The following PRKN variants were observed in gnomAD, a reference collection of about 807,000 sequenced individuals.
The protein encoded by PRKN is E3 ubiquitin-protein ligase parkin.
Under a neutral mutation model 59.5 loss-of-function variants are expected in PRKN, and 56 were observed. The observed-to-expected ratio is 0.94, with a 90% confidence interval of 0.76 to 1.18. PRKN has a LOEUF of 1.18. Among genes scored for constraint, PRKN ranks in the 50% most tolerant of loss-of-function variants. PRKN has a pLI of 0.00. For missense variants in PRKN, 657 were observed against 596.4 expected, an observed-to-expected ratio of 1.10 and a Z score of -1.06; for synonymous variants, 250 against 222.1, an observed-to-expected ratio of 1.13 and a Z score of -1.12.
intron 2 of PRKN, among the ~76,000 whole-genome samples, chr6:162,280,169 A>C (rs1304908126): frequency 6.6e-6 from 1 of 152,046 alleles, no homozygotes; most frequent in Non-Finnish European, 1.5e-5. Context: ...AGCCATTTAC[A>C]ATTAAGGTTA....
intron 5 of PRKN, among the ~76,000 whole-genome samples, chr6:162,002,664 C>G (rs1020138075): frequency 7.3e-5 from 11 of 151,624 alleles, no homozygotes; most frequent in Non-Finnish European, 1.3e-4. Flanking sequence ...TTTAATACTT[C>G]TCTTCCACCT....
chr6:162,342,599 T>C (rs1444782269), intron 2 of PRKN, among the ~76,000 whole-genome samples: 1 of 152,112 alleles, frequency 6.6e-6, no homozygotes, highest in Non-Finnish European at 1.5e-5. Context: ...ACACGACAAA[T>C]AATTAAGTGT....
At chr6:161,930,093 C>A (rs181641510) in intron 6 of PRKN, among the ~76,000 whole-genome samples, 1 of 152,270 alleles carries the variant, frequency 6.6e-6, no homozygotes, top group Non-Finnish European at 1.5e-5. Context: ...ATGAGCCATA[C>A]TGGGGTTCAG....
chr6:162,584,037 C>A (rs1376165703), intron 1 of PRKN, among the ~76,000 whole-genome samples: 2 of 151,892 alleles, frequency 1.3e-5, no homozygotes, highest in Non-Finnish European at 2.9e-5. Context: ...CACGGTGAAA[C>A]CCCCTCTCTA....
chr6:162,496,633 T>A (rs1450815637), intron 1 of PRKN, among the ~76,000 whole-genome samples: 1 of 152,224 alleles, frequency 6.6e-6, no homozygotes, highest in Admixed American at 6.5e-5. Flanking sequence ...TGCGTGCAAA[T>A]TCTGGCTCCT....
intron 2 of PRKN, among the ~76,000 whole-genome samples, chr6:162,331,139 G>C (rs970127646): frequency 6.6e-6 from 1 of 151,000 alleles, no homozygotes; most frequent in Non-Finnish European, 1.5e-5. Flanking sequence ...GGCCAGCCTG[G>C]CCAACGTGGT....
chr6:162,154,087 A>G (rs561716764), intron 4 of PRKN, among the ~76,000 whole-genome samples: 5 of 152,218 alleles, frequency 3.3e-5, no homozygotes, highest in African/African-American at 1.2e-4. Context: ...TGTCTCCATC[A>G]GCATAAAGCT....
intron 1 of PRKN, among the ~76,000 whole-genome samples, chr6:162,661,900 T>C (rs979911756): frequency 8.5e-5 from 13 of 152,186 alleles, no homozygotes; most frequent in Non-Finnish European, 1.8e-4. Context: ...CGCTGAAGTC[T>C]GGGCTTTTGA....
chr6:162,645,401 AG>A (rs1282762053), intron 1 of PRKN, among the ~76,000 whole-genome samples: 9 of 152,248 alleles, frequency 5.9e-5, no homozygotes, highest in African/African-American at 2.2e-4. Flanking sequence ...TCAGTTATGC[AG>A]CTGAGCTATG....
chr6:162,036,289 A>C (rs1250303180), intron 5 of PRKN, among the ~76,000 whole-genome samples: 3 of 151,864 alleles, frequency 2.0e-5, no homozygotes, highest in Non-Finnish European at 4.4e-5. Flanking sequence ...ACGCCACTGC[A>C]CTCCAGCCTG....
In PRKN at chr6:161,466,855, G is replaced by A. The variant is rs1790500412; in HGVS notation, c.1084-79978C>T. ...CTATGGTTCTCAGATGGGCATACAA[G>A]CTTTTTCCTTTCTGGGACAGTCACA... On this transcript the variant is annotated intron_variant, in intron 9 of 11. Transcript: ENST00000366898. The surrounding 1 kb of genome is among the most constrained non-coding windows in gnomAD (Gnocchi z 5.0). Among the ~76,000 whole-genome samples, 1 of 152,188 alleles carries A rather than the reference G, an allele frequency of 6.6e-6. No homozygotes were observed. Among genetic ancestry groups the A allele is most frequent in the Admixed American group, 6.5e-5 (1 of 15,278 alleles).
chr6:161,733,781 A>ATATATATAT (rs1380552060), intron 7 of PRKN, among the ~76,000 whole-genome samples: 1 of 74,066 alleles, frequency 1.4e-5, no homozygotes, highest in African/African-American at 1.3e-4. Flanking sequence ...AAAAAAAAAA[A>ATATATATAT]AAATATATAT....
rs35609309 is a variant in PRKN at position 162,284,215 on chromosome 6, C to CTTTTTTT, written c.172-21457_172-21451dup. 3.2e-4 allele frequency among the ~76,000 whole-genome samples: 24 copies of CTTTTTTT among 75,668 alleles called. 1 individual carries two copies. The highest frequency in any genetic ancestry group is 2.1e-3 in the East Asian group (3 of 1,434). 49.6% of individuals were successfully genotyped at this position (75,668 alleles called of 152,430 possible). On this transcript the variant is annotated intron_variant, in intron 2 of 11. Transcript: ENST00000366898. ...TATTTATGTATTGTGTTATTTCTTT[C>CTTTTTTT]TTTTTTTTTTTTTTTTTTTTTTTTT... is the stretch of plus-strand genomic sequence containing the variant.
chr6:162,292,271 A>C (rs572872937), intron 2 of PRKN, among the ~76,000 whole-genome samples: 48 of 152,192 alleles, frequency 3.2e-4, no homozygotes, highest in Admixed American at 9.8e-4. Context: ...GCCTCTTCCA[A>C]GTTATTCTGT....
chr6:161,695,951 G>C (rs1786003348), intron 7 of PRKN, among the ~76,000 whole-genome samples: 1 of 152,228 alleles, frequency 6.6e-6, no homozygotes, highest in Admixed American at 6.5e-5. Flanking sequence ...GTGGCGGACA[G>C]AGGCTGAAGA....
At chr6:162,387,601 G>GAA in intron 2 of PRKN, among the ~76,000 whole-genome samples, 1 of 140,218 alleles carries the variant, frequency 7.1e-6, no homozygotes, top group South Asian at 2.2e-4. Flanking sequence ...GAGAGAGAGA[G>GAA]AGAGAGAAAT....
intron 4 of PRKN, among the ~76,000 whole-genome samples, chr6:162,197,438 G>A (rs1784540165): frequency 6.6e-6 from 1 of 151,920 alleles, no homozygotes; most frequent in Non-Finnish European, 1.5e-5. Flanking sequence ...TGATTTAATT[G>A]TCCCTAAATC....
At position 161,977,800 on chromosome 6, in the gene PRKN, G is replaced by T. The variant is rs371695188; in HGVS notation, c.619-4383C>A. Among the ~76,000 whole-genome samples, 12 of 150,816 alleles carry T rather than the reference G, an allele frequency of 8.0e-5. No homozygotes were observed. The East Asian group carries it at 2.4e-3, about 30-fold the overall frequency. ...CTGACCTCGTGATCTGCCCACCTTG[G>T]CCTCCCAAAGTGTTGGGATTGTACA... On this transcript the variant is annotated intron_variant, in intron 5 of 11. Coordinates refer to ENST00000366898, the MANE Select transcript of PRKN (RefSeq NM_004562.3).
At chr6:161,716,010 G>A in intron 7 of PRKN, 1 of 851,530 alleles carries the variant, frequency 1.2e-6, no homozygotes, top group South Asian at 1.3e-5. Flanking sequence ...TATTTAACAA[G>A]CTCTTCTGGG....
Sources: allele counts gnomAD v4.1 joint callset (sites outside exome capture counted in the v4.1 genomes callset), GRCh38; gene constraint gnomAD v4.1.1; non-coding constraint Gnocchi (gnomAD v3.1); transcripts MANE v1.5; gene names NCBI Gene and HGNC (gene_info 2026-07-23, HGNC 2026-07-21).